TM9SF3: variants seen among roughly 807,000 people sequenced by gnomAD.
The protein encoded by TM9SF3 is SM-11044-binding protein.
TM9SF3 carries 14 observed loss-of-function variants against 78.6 expected under a neutral mutation model. That is an observed-to-expected ratio of 0.18 (90% CI 0.12 to 0.28). The LOEUF (loss-of-function observed/expected upper bound fraction) is 0.28, where lower values mean the gene tolerates loss of function less well. Among genes scored for constraint, TM9SF3 ranks in the 10% least tolerant of loss-of-function variants. The pLI is 1.00. For synonymous variants in TM9SF3, 231 were observed against 241.7 expected (o/e 0.96, Z 0.41); for missense variants, 496 against 721.9 (o/e 0.69, Z 3.59).
chr10:96,531,213 C>CTCG (rs756169235), intron 10 of TM9SF3, among the ~76,000 whole-genome samples: 2 of 152,158 alleles, frequency 1.3e-5, no homozygotes, highest in Non-Finnish European at 2.9e-5. Flanking sequence ...CTTCTCTTGT[C>CTCG]TCGTATTTCT....
chr10:96,565,760 TAAC>T (rs1322227820), intron 2 of TM9SF3, among the ~76,000 whole-genome samples: 2 of 152,120 alleles, frequency 1.3e-5, no homozygotes, highest in South Asian at 2.1e-4. Context: ...CTTAAACACA[TAAC>T]AAAGTTTTTA....
At chr10:96,560,689 AT>A (rs1167745456) in intron 4 of TM9SF3, 7 of 591,152 alleles carry the variant, frequency 1.2e-5, no homozygotes, top group Non-Finnish European at 2.3e-5. Flanking sequence ...GATGATGACG[AT>A]TTTGATGAGG....
intron 9 of TM9SF3, among the ~76,000 whole-genome samples, chr10:96,535,712 C>T (rs1424722530): frequency 1.3e-5 from 2 of 152,138 alleles, no homozygotes; most frequent in African/African-American, 4.8e-5. Context: ...AAGATTTACT[C>T]CATGTTGAGG....
chr10:96,586,928 C>A lies in TM9SF3; in HGVS notation c.-93G>T, dbSNP rs1289961003. The A allele has an allele frequency of 2.9e-6, 3 of 1,033,758 alleles. No individual in the cohort carries two copies. In the East Asian group the frequency reaches 1.4e-4, roughly 47 times the overall value. The allele number at this position is 1,033,758 out of a possible 1,614,324, so 64.0% of individuals were successfully genotyped here. On this transcript the variant is annotated 5_prime_UTR_variant, in exon 1 of 15. The change abolishes an upstream ATG in the 5' untranslated region. Transcript: ENST00000371142. ...CGCCGCCTCCGCCGCGGCCGATTCG[C>A]ATCCACGGGGCGCGGACAGACGCAC... is the stretch of plus-strand genomic sequence containing the variant.
At chr10:96,541,590 G>A (rs1380920148) in intron 9 of TM9SF3, among the ~76,000 whole-genome samples, 3 of 152,032 alleles carry the variant, frequency 2.0e-5, no homozygotes, top group Non-Finnish European at 4.4e-5. Flanking sequence ...CACCATGTTG[G>A]CCATGCTGAT....
chr10:96,522,205 G>T lies in TM9SF3; in HGVS notation c.*58C>A. 1 of 1,444,350 alleles carries T rather than the reference G, an allele frequency of 6.9e-7. No homozygotes were observed. The highest frequency in any genetic ancestry group is 9.6e-7 in the Non-Finnish European group (1 of 1,045,944). 89.5% of individuals were successfully genotyped at this position (1,444,350 alleles called of 1,614,324 possible). On this transcript the variant is annotated 3_prime_UTR_variant, in exon 15 of 15. Transcript: ENST00000371142. ...TCTTGCGTTTGTTTGTTTTTGCTGTGCAAGTTCCACCCCTATGAAAAAGAA... is the reference window on the plus strand; with the variant it reads ...TCTTGCGTTTGTTTGTTTTTGCTGTTCAAGTTCCACCCCTATGAAAAAGAA...
At chr10:96,529,418 T>C (rs1027193648) in intron 11 of TM9SF3, among the ~76,000 whole-genome samples, 1 of 152,158 alleles carries the variant, frequency 6.6e-6, no homozygotes, top group African/African-American at 2.4e-5. Context: ...AAAGATTCAA[T>C]AAGGTGAGTC....
chr10:96,530,490 T>C, intron 11 of TM9SF3, 50 bp downstream of exon 11: 1 of 1,469,360 alleles, frequency 6.8e-7, no homozygotes, highest in Non-Finnish European at 9.4e-7. Context: ...TCCTAAATTG[T>C]CTTACTATAA....
chr10:96,551,191 TTAAAAC>T, intron 7 of TM9SF3, 48 bp downstream of exon 7: 1 of 1,398,490 alleles, frequency 7.2e-7, no homozygotes, highest in Non-Finnish European at 9.6e-7. Context: ...ATTCCAGTGA[TTAAAAC>T]TATTTAAGAA....
intron 2 of TM9SF3, among the ~76,000 whole-genome samples, chr10:96,569,991 C>A (rs1053151840): frequency 6.6e-6 from 1 of 152,138 alleles, no homozygotes; most frequent in Non-Finnish European, 1.5e-5. Context: ...GCACCGCAAT[C>A]CAGCCTAGCA....
At chr10:96,529,042 C>T (rs1847868300) in intron 11 of TM9SF3, among the ~76,000 whole-genome samples, 1 of 151,964 alleles carries the variant, frequency 6.6e-6, no homozygotes, top group Admixed American at 6.6e-5. Flanking sequence ...GAACACAGTG[C>T]CTGGAGAAGC....
At chr10:96,563,399 T>C (rs12245836) in intron 3 of TM9SF3, among the ~76,000 whole-genome samples, 5,010 of 149,346 alleles carry the variant, frequency 0.034, 281 homozygotes, top group African/African-American at 0.12. Flanking sequence ...TGAGACAGAG[T>C]CTCGCTCTGT....
Position 96,544,112 on chromosome 10 carries a change from A to G in TM9SF3, c.1149T>C (p.Tyr383=), listed in dbSNP as rs1191461583. 3.1e-6 allele frequency: 5 copies of G among 1,613,202 alleles called. No homozygotes were observed. The change falls in exon 9 of 15, where the codon TAT becomes TAC. Residue 383 remains tyrosine (Y), a synonymous_variant. Transcript: ENST00000371142. ...AAGGAATGGCTCTTGAAGCATGGTAATAAATGGCTATGAAATTGATGAAGA... is the reference window on the plus strand; with the variant it reads ...AAGGAATGGCTCTTGAAGCATGGTAGTAAATGGCTATGAAATTGATGAAGA... ...TAFFINFIAI[Y]YHASRAIPFG...
Position 96,565,325 on chromosome 10 carries a change from T to C in TM9SF3, c.400A>G (p.Ile134Val), listed in dbSNP as rs1029494758. ...IKNHYWYQMYIDDLPIWGIVG... is the reference protein window; with the variant it reads ...IKNHYWYQMYVDDLPIWGIVG... ...TTACCCCATATTGGTAAATCATCTA[T>C]GTACATCTGGTACCAGTAATGATTT... The change falls in exon 3 of 15, where the codon ATA (isoleucine) becomes GTA (valine). Residue 134 changes from isoleucine to valine, a missense_variant. Physicochemically the swap from Ile to Val is conservative, Grantham distance 29. Coordinates refer to ENST00000371142, the MANE Select transcript of TM9SF3 (RefSeq NM_020123.4). 6.4e-6 allele frequency: 10 copies of C among 1,560,476 alleles called. No individual in the cohort carries two copies. The highest frequency in any genetic ancestry group is 8.6e-6 in the Non-Finnish European group (10 of 1,164,384).
chr10:96,571,455 G>T (rs1361285412), intron 2 of TM9SF3, among the ~76,000 whole-genome samples: 1 of 152,118 alleles, frequency 6.6e-6, no homozygotes, highest in East Asian at 1.9e-4. Flanking sequence ...CAGCATGGGG[G>T]ATTACCTGAA....
chr10:96,545,034 C>T (rs1848081025), intron 8 of TM9SF3, among the ~76,000 whole-genome samples: 1 of 152,120 alleles, frequency 6.6e-6, no homozygotes, highest in Non-Finnish European at 1.5e-5. Flanking sequence ...CTCTGTACCT[C>T]TGTGTATTGC....
intron 2 of TM9SF3, 24 bp downstream of exon 2, chr10:96,576,610 T>G: frequency 6.5e-7 from 1 of 1,545,904 alleles, no homozygotes; most frequent in South Asian, 1.3e-5. Context: ...AATTGCATTG[T>G]AAGGACTATT....
intron 11 of TM9SF3, among the ~76,000 whole-genome samples, chr10:96,529,094 A>C (rs1847868977): frequency 6.6e-6 from 1 of 152,134 alleles, no homozygotes; most frequent in Non-Finnish European, 1.5e-5. Flanking sequence ...CAGGGGTAGA[A>C]GGGAAAAAGA....
chr10:96,568,858 C>G (rs567416457), intron 2 of TM9SF3, among the ~76,000 whole-genome samples: 20 of 152,020 alleles, frequency 1.3e-4, no homozygotes, highest in African/African-American at 4.6e-4. Flanking sequence ...TTAACAGAGA[C>G]AGCATCTATG....
Sources: gnomAD v4.1 joint callset for allele counts (sites outside exome capture counted in the v4.1 genomes callset) on GRCh38, gnomAD v4.1.1 for gene constraint, MANE v1.5 for transcripts, NCBI Gene and HGNC (gene_info 2026-07-23, HGNC 2026-07-21) for gene names.